ST3GAL3: variants seen among roughly 807,000 people sequenced by gnomAD.
ST3GAL3 encodes the protein CMP-N-acetylneuraminate-beta-1,4-galactoside alpha-2,3-sialyltransferase.
Under a neutral mutation model 50.1 loss-of-function variants are expected in ST3GAL3, and 21 were observed. The ratio of observed to expected loss-of-function variants is 0.42; its 90% confidence interval spans 0.30 to 0.60. The LOEUF (loss-of-function observed/expected upper bound fraction) is 0.60, where lower values mean the gene tolerates loss of function less well. Ranked by LOEUF, ST3GAL3 falls within the 20% of genes least tolerant of loss-of-function variation. The pLI, the probability that ST3GAL3 is intolerant of heterozygous loss-of-function variation, is 0.19. For synonymous variants in ST3GAL3, 183 were observed against 190.0 expected, an observed-to-expected ratio of 0.96 and a Z score of 0.30; for missense variants, 353 against 489.4, an observed-to-expected ratio of 0.72 and a Z score of 2.63.
At chr1:43,860,375 C>T (rs964206409) in intron 5 of ST3GAL3, among the ~76,000 whole-genome samples, 4 of 152,190 alleles carry the variant, frequency 2.6e-5, no homozygotes, top group Admixed American at 6.5e-5. Context: ...GGGCTCCTGA[C>T]GCAGCCCTGT....
intron 2 of ST3GAL3, among the ~76,000 whole-genome samples, chr1:43,779,901 C>T (rs1300531435): frequency 1.1e-4 from 16 of 152,290 alleles, no homozygotes; most frequent in African/African-American, 3.6e-4. Context: ...TATGTTCAGA[C>T]ATGTTAGATT....
intron 2 of ST3GAL3, among the ~76,000 whole-genome samples, chr1:43,788,485 G>T (rs939820792): frequency 6.6e-6 from 1 of 152,120 alleles, no homozygotes. Context: ...GAGACTCTTT[G>T]TGTGAGCACT....
At chr1:43,879,234 C>T (rs1570520174) in intron 5 of ST3GAL3, 2 of 455,118 alleles carry the variant, frequency 4.4e-6, no homozygotes, top group South Asian at 3.1e-5. Context: ...GACAGAAGGC[C>T]AGTATGCTGT....
In ST3GAL3 at chr1:43,931,116, C is replaced by CAG. The variant is rs1230549715; in HGVS notation, c.*895_*896insAG. On this transcript the variant is annotated 3_prime_UTR_variant, in exon 12 of 12. Coordinates refer to ENST00000347631, the MANE Select transcript of ST3GAL3 (RefSeq NM_006279.5). The stretch of plus-strand genomic sequence containing the variant: ...AAGGAGCTTACCCAAGCTGTGGCAG[C>CAG]CGTCCCAGGCCACCCCCATGGAAGC... 2 of 152,856 alleles carry CAG rather than the reference C, an allele frequency of 1.3e-5. No individual in the cohort carries two copies. Among genetic ancestry groups the CAG allele is most frequent in the East Asian group, 3.9e-4 (2 of 5,186 alleles). 9.5% of individuals were successfully genotyped at this position (152,856 alleles called of 1,614,324 possible).
At chr1:43,856,086 C>G (rs1414147541) in intron 5 of ST3GAL3, among the ~76,000 whole-genome samples, 1 of 152,228 alleles carries the variant, frequency 6.6e-6, no homozygotes, top group African/African-American at 2.4e-5. Context: ...CATGACTGAT[C>G]TCGTCACATT....
intron 3 of ST3GAL3, among the ~76,000 whole-genome samples, chr1:43,813,587 A>G (rs975112828): frequency 7.9e-5 from 12 of 152,132 alleles, no homozygotes; most frequent in Non-Finnish European, 1.5e-5. Context: ...CAATTTTAAG[A>G]AGAGGATTTA....
intron 5 of ST3GAL3, among the ~76,000 whole-genome samples, chr1:43,877,558 G>A (rs920675418): frequency 1.3e-5 from 2 of 152,178 alleles, no homozygotes; most frequent in Admixed American, 6.5e-5. Flanking sequence ...GTTGAGCCTA[G>A]GTGCCAGTAG....
chr1:43,827,590 C>T (rs1259731290), intron 4 of ST3GAL3, among the ~76,000 whole-genome samples: 4 of 152,090 alleles, frequency 2.6e-5, no homozygotes, highest in African/African-American at 4.8e-5. Flanking sequence ...GCTGTCTCGA[C>T]CTCCCAGGCT....
At chr1:43,712,593 G>A (rs970949279) in intron 1 of ST3GAL3, among the ~76,000 whole-genome samples, 1 of 152,180 alleles carries the variant, frequency 6.6e-6, no homozygotes, top group Admixed American at 6.5e-5. Context: ...TTATAACAAG[G>A]GCTGTGGTTG....
intron 5 of ST3GAL3, chr1:43,842,239 A>G (rs2065501605): frequency 6.6e-6 from 1 of 152,044 alleles, no homozygotes; most frequent in African/African-American, 2.4e-5. Context: ...GAGCCCTCCA[A>G]ACTCTTCCAA....
chr1:43,754,539 G>A (rs533058894), intron 2 of ST3GAL3, among the ~76,000 whole-genome samples: 13 of 152,268 alleles, frequency 8.5e-5, no homozygotes, highest in Admixed American at 3.3e-4. Context: ...ACCACAAGTC[G>A]AAGGAGAAAG....
intron 9 of ST3GAL3, chr1:43,912,868 G>A (rs2081171017): frequency 1.3e-5 from 2 of 152,304 alleles, no homozygotes; most frequent in Non-Finnish European, 2.9e-5. Context: ...GGACATTCCT[G>A]AAGGAGGAGG....
chr1:43,714,419 C>G (rs966014061), intron 1 of ST3GAL3, among the ~76,000 whole-genome samples: 3 of 134,678 alleles, frequency 2.2e-5, no homozygotes, highest in African/African-American at 8.3e-5. Context: ...GAAACCCCGT[C>G]TCTACTAAAA....
intron 5 of ST3GAL3, among the ~76,000 whole-genome samples, chr1:43,872,436 C>G (rs2073189152): frequency 6.6e-6 from 1 of 151,452 alleles, no homozygotes; most frequent in Non-Finnish European, 1.5e-5. Context: ...CACCCTGCCT[C>G]TGACCGGGCA....
At position 43,724,894 on chromosome 1, in the gene ST3GAL3, T is replaced by C. The variant is rs113830573; in HGVS notation, c.-30-11339T>C. 3.9e-4 allele frequency among the ~76,000 whole-genome samples: 60 copies of C among 152,222 alleles called. 1 individual carries two copies. The highest frequency in any genetic ancestry group is 1.0e-3 in the African/African-American group (42 of 41,544). ...GGCACTTACGAGGTCAGTGGTAAAC[T>C]CATTTACCACAGTGACAGGTGGGAT... On this transcript the variant is annotated intron_variant, in intron 1 of 11. Coordinates refer to ENST00000347631, the MANE Select transcript of ST3GAL3 (RefSeq NM_006279.5).
intron 3 of ST3GAL3, among the ~76,000 whole-genome samples, chr1:43,802,532 C>T (rs993629251): frequency 6.6e-6 from 1 of 152,190 alleles, no homozygotes; most frequent in Non-Finnish European, 1.5e-5. Flanking sequence ...ACATTCAATG[C>T]ACATAAGCAG....
chr1:43,844,177 G>A (rs1415020080), intron 5 of ST3GAL3, among the ~76,000 whole-genome samples: 1 of 152,180 alleles, frequency 6.6e-6, no homozygotes, highest in Non-Finnish European at 1.5e-5. Context: ...GTCCTTTTGG[G>A]TTTTTATGGA....
chr1:43,857,260 G>C (rs1437548827), intron 5 of ST3GAL3, among the ~76,000 whole-genome samples: 4 of 152,080 alleles, frequency 2.6e-5, no homozygotes, highest in Admixed American at 1.3e-4. Flanking sequence ...GATATGAACT[G>C]GTCTGCCACA....
chr1:43,768,904 A>G (rs1460096521), intron 2 of ST3GAL3, among the ~76,000 whole-genome samples: 1 of 152,180 alleles, frequency 6.6e-6, no homozygotes, highest in African/African-American at 2.4e-5. Flanking sequence ...TTTTTTTGAG[A>G]CTAGCATAAC....
Sources: allele counts gnomAD v4.1 joint callset (sites outside exome capture counted in the v4.1 genomes callset), GRCh38; gene constraint gnomAD v4.1.1; transcripts MANE v1.5; gene names NCBI Gene and HGNC (gene_info 2026-07-23, HGNC 2026-07-21).